Variants in EVC2 observed in about 807,000 individuals in gnomAD.
The protein encoded by EVC2 is EvC ciliary complex subunit 2.
Under a neutral mutation model 149.3 loss-of-function variants are expected in EVC2, and 148 were observed. The observed-to-expected ratio is 0.99, with a 90% CI of 0.87 to 1.14. EVC2 has a LOEUF of 1.14. Ranked by LOEUF, EVC2 falls within the 50% of genes most tolerant of loss-of-function variation. EVC2 has a pLI of 0.00. For missense variants in EVC2, 1,854 were observed against 1,627.3 expected (o/e 1.14, Z -2.40); for synonymous variants, 776 against 649.9 (o/e 1.19, Z -2.95).
At chr4:5,642,560 T>A (rs1717416569) in intron 9 of EVC2, among the ~76,000 whole-genome samples, 2 of 152,204 alleles carry the variant, frequency 1.3e-5, no homozygotes, top group African/African-American at 4.8e-5. Context: ...CTGAAGTGAA[T>A]CACTTTTTAC....
intron 16 of EVC2, among the ~76,000 whole-genome samples, chr4:5,588,207 T>C (rs1401242781): frequency 6.6e-6 from 1 of 152,242 alleles, no homozygotes; most frequent in Non-Finnish European, 1.5e-5. Flanking sequence ...TTTGAAGACA[T>C]TGCTCCATGT....
chr4:5,658,522 G>T (rs117612292), intron 9 of EVC2, among the ~76,000 whole-genome samples: 4 of 152,202 alleles, frequency 2.6e-5, no homozygotes. Flanking sequence ...ACACAATTTC[G>T]AGACAGTTTA....
intron 7 of EVC2, among the ~76,000 whole-genome samples, chr4:5,673,014 A>G (rs994151556): frequency 2.0e-5 from 3 of 152,198 alleles, no homozygotes; most frequent in African/African-American, 7.2e-5. Context: ...GAAGTCACCA[A>G]TGGGTACCAA....
At chr4:5,546,950 T>C (rs960023382) in intron 21 of EVC2, among the ~76,000 whole-genome samples, 5 of 152,150 alleles carry the variant, frequency 3.3e-5, no homozygotes, top group African/African-American at 9.7e-5. Flanking sequence ...GCCCAAGTTG[T>C]GACTGTGGAA....
intron 7 of EVC2, among the ~76,000 whole-genome samples, chr4:5,674,830 G>C (rs1719888814): frequency 6.6e-6 from 1 of 152,184 alleles, no homozygotes; most frequent in African/African-American, 2.4e-5. Context: ...TGGACAATGG[G>C]CTGGGTAGGG....
chr4:5,538,541 C>G (rs556842509), downstream of EVC2, among the ~76,000 whole-genome samples: 1 of 152,206 alleles, frequency 6.6e-6, no homozygotes, highest in South Asian at 2.1e-4. Context: ...GATCAATATT[C>G]CTCGTGAACT....
rs922218808 is a variant in EVC2 at position 5,625,769 on chromosome 4, T to G, written c.2026A>C (p.Arg676=). The G allele has an allele frequency of 1.9e-6, 3 of 1,614,066 alleles. No homozygotes were observed. In the African/African-American group the frequency reaches 4.0e-5, roughly 22 times the overall value. ...TATACCTTTTGTAGCAACTCTCGTC[T>G]TCTCTTAGTTATTAATTTTTGGTGG... is the stretch of plus-strand genomic sequence containing the variant. ...KLHQKLITKR[R]RELLQKHREQ... Residue 676 remains arginine (R), a synonymous_variant, in exon 13 of 22, where the codon AGA becomes CGA. Transcript: ENST00000344408. The surrounding 1 kb of genome is among the most constrained non-coding windows in gnomAD (Gnocchi z 4.0).
chr4:5,579,165 G>A (rs1053177943), intron 17 of EVC2, among the ~76,000 whole-genome samples: 3 of 152,100 alleles, frequency 2.0e-5, no homozygotes, highest in Non-Finnish European at 2.9e-5. Context: ...CGTGCAGGGG[G>A]GTAACTAGAG....
chr4:5,666,519 T>C (rs1719294640), intron 7 of EVC2, among the ~76,000 whole-genome samples: 1 of 152,190 alleles, frequency 6.6e-6, no homozygotes, highest in Admixed American at 6.6e-5. Flanking sequence ...TTTCCTGAAG[T>C]TTTTCATGGC....
intron 16 of EVC2, among the ~76,000 whole-genome samples, chr4:5,603,577 T>C (rs1314452037): frequency 2.0e-5 from 3 of 152,198 alleles, no homozygotes; most frequent in African/African-American, 7.2e-5. Flanking sequence ...CAACTACCCC[T>C]GCATAATTGC....
intron 20 of EVC2, among the ~76,000 whole-genome samples, chr4:5,566,230 G>A (rs1577096918): frequency 1.3e-5 from 2 of 152,234 alleles, no homozygotes. Flanking sequence ...CGGGACAGTG[G>A]GAGGTGTCAA....
intron 16 of EVC2, among the ~76,000 whole-genome samples, chr4:5,592,851 G>T (rs750759179): frequency 5.3e-5 from 8 of 152,178 alleles, no homozygotes. Context: ...AGAAACACGG[G>T]AGAAGGGATG....
rs570051980 is a variant in EVC2 at position 5,677,765 on chromosome 4, A to G, written c.870+3495T>C. Among the ~76,000 whole-genome samples, 51 of 152,276 alleles carry G rather than the reference A, an allele frequency of 3.3e-4. 1 individual carries two copies. In the South Asian group the frequency reaches 1.0e-2, roughly 30 times the overall value. On this transcript the variant is annotated intron_variant, in intron 7 of 21. Transcript: ENST00000344408. This position sits in a 1 kb window ranked among gnomAD's most constrained non-coding sequence, Gnocchi z 4.3. ...ATTTACCTGTTGAGTGCCACCTACA[A>G]TGTACCGCACAGTGGGGGACACAGG...
rs1336643583 is a variant in EVC2 at position 5,640,266 on chromosome 4, AT to A, written c.1470+247del. Among the ~76,000 whole-genome samples the A allele has an allele frequency of 6.6e-6, 1 of 151,722 alleles. No homozygotes were observed. Among genetic ancestry groups the A allele is most frequent in the Admixed American group, 6.6e-5 (1 of 15,218 alleles). Reference sequence around the variant, plus strand: ...GGATGAATGGATAGGTGCACAGATGATTGGATGAGTGGGTGGATGGATGAGT... The same window carrying A: ...GGATGAATGGATAGGTGCACAGATGATGGATGAGTGGGTGGATGGATGAGT... On this transcript the variant is annotated intron_variant, in intron 10 of 21. Coordinates refer to ENST00000344408, the MANE Select transcript of EVC2 (RefSeq NM_147127.5). This position sits in a 1 kb window ranked among gnomAD's most constrained non-coding sequence, Gnocchi z 4.6.
At chr4:5,680,494 C>T (rs1720267444) in intron 7 of EVC2, among the ~76,000 whole-genome samples, 1 of 152,150 alleles carries the variant, frequency 6.6e-6, no homozygotes, top group Admixed American at 6.5e-5. Context: ...GTCCACTGTT[C>T]ACCAAAATGT....
In EVC2 at chr4:5,576,714, C is replaced by T. The variant is rs1421234734; in HGVS notation, c.3058-260G>A. Among the ~76,000 whole-genome samples, 1 of 152,226 alleles carries T rather than the reference C, an allele frequency of 6.6e-6. No homozygotes were observed. The highest frequency in any genetic ancestry group is 2.1e-4 in the South Asian group (1 of 4,828). On this transcript the variant is annotated intron_variant, in intron 17 of 21. Coordinates refer to ENST00000344408, the MANE Select transcript of EVC2 (RefSeq NM_147127.5). This position sits in a 1 kb window ranked among gnomAD's most constrained non-coding sequence, Gnocchi z 4.5. ...GCCTGACCAATCCCCAGTCTTCTTT[C>T]ACCCCTCCGCTTAAGAAGAAACTCC...
At chr4:5,549,344 C>T (rs1187826482) in intron 21 of EVC2, among the ~76,000 whole-genome samples, 1 of 152,158 alleles carries the variant, frequency 6.6e-6, no homozygotes, top group Non-Finnish European at 1.5e-5. Context: ...CAGGGGAATA[C>T]AATGAGTAGT....
intron 7 of EVC2, among the ~76,000 whole-genome samples, chr4:5,671,587 C>T (rs1421051371): frequency 2.6e-5 from 4 of 152,222 alleles, no homozygotes; most frequent in Non-Finnish European, 4.4e-5. Flanking sequence ...TCTCGGCTCA[C>T]TGCAACCTCC....
At chr4:5,694,622 G>T in intron 2 of EVC2, 121 bp from the exon 3 acceptor site, 1 of 1,069,828 alleles carries the variant, frequency 9.3e-7, no homozygotes, top group Non-Finnish European at 1.4e-6. Flanking sequence ...TGTTGGGTAA[G>T]TAAGTTAATG....
Sources: allele counts gnomAD v4.1 joint callset (sites outside exome capture counted in the v4.1 genomes callset), GRCh38; gene constraint gnomAD v4.1.1; non-coding constraint Gnocchi (gnomAD v3.1); transcripts MANE v1.5; gene names NCBI Gene and HGNC (gene_info 2026-07-23, HGNC 2026-07-21).